TIAM1: variants seen among roughly 807,000 people sequenced by gnomAD.
TIAM1 encodes TIAM Rac1 associated GEF 1.
Under a neutral mutation model 163.5 loss-of-function variants are expected in TIAM1, and 65 were observed. The ratio of observed to expected loss-of-function variants is 0.40; its 90% CI spans 0.33 to 0.49. The LOEUF is 0.49. Ranked by LOEUF, TIAM1 falls within the 20% of genes least tolerant of loss-of-function variation. The pLI, the probability that TIAM1 is intolerant of heterozygous loss-of-function variation, is 0.77. For synonymous variants in TIAM1, 833 were observed against 810.1 expected (o/e 1.03, Z -0.48); for missense variants, 1,789 against 2,044.7 (o/e 0.87, Z 2.41).
chr21:31,346,615 G>A (rs2076152505), upstream of TIAM1, among the ~76,000 whole-genome samples: 1 of 152,210 alleles, frequency 6.6e-6, no homozygotes, highest in Non-Finnish European at 1.5e-5. Flanking sequence ...GACAGATACT[G>A]AGACAAAGCA....
At chr21:31,533,715 G>C (rs958723086) in intron 1 of TIAM1, among the ~76,000 whole-genome samples, 1 of 152,178 alleles carries the variant, frequency 6.6e-6, no homozygotes, top group African/African-American at 2.4e-5. Flanking sequence ...CTGGGTGACA[G>C]AGCAAGACCC....
intron 2 of TIAM1, among the ~76,000 whole-genome samples, chr21:31,433,434 G>A (rs1316705197): frequency 6.6e-6 from 1 of 152,196 alleles, no homozygotes; most frequent in African/African-American, 2.4e-5. Flanking sequence ...GCCATTTGCA[G>A]ATACAACCTC....
At chr21:31,289,627 A>G (rs2073938350) in intron 2 of TIAM1, among the ~76,000 whole-genome samples, 1 of 152,246 alleles carries the variant, frequency 6.6e-6, no homozygotes, top group Non-Finnish European at 1.5e-5. Flanking sequence ...GAGAATAAAA[A>G]GCATATGAAG....
intron 4 of TIAM1, among the ~76,000 whole-genome samples, chr21:31,253,712 A>G (rs1003016645): frequency 6.6e-6 from 1 of 152,164 alleles, no homozygotes; most frequent in Admixed American, 6.5e-5. Context: ...AGGGAAAGAA[A>G]GAAACCACGA....
intron 2 of TIAM1, among the ~76,000 whole-genome samples, chr21:31,362,545 C>A (rs1009101108): frequency 1.3e-5 from 2 of 151,814 alleles, no homozygotes; most frequent in Non-Finnish European, 2.9e-5. Flanking sequence ...TGGCTCACTG[C>A]AACATCTAGC....
At chr21:31,252,360 G>A (rs897137320) in intron 4 of TIAM1, among the ~76,000 whole-genome samples, 171 bp from the exon 5 acceptor site, 1 of 152,168 alleles carries the variant, frequency 6.6e-6, no homozygotes, top group Non-Finnish European at 1.5e-5. Flanking sequence ...CCCTGGACCC[G>A]CACAGACCCA....
intron 2 of TIAM1, among the ~76,000 whole-genome samples, chr21:31,385,640 A>G (rs2147183499): frequency 6.6e-6 from 1 of 151,876 alleles, no homozygotes; most frequent in Non-Finnish European, 1.5e-5. Flanking sequence ...CTACAAAATA[A>G]TAAGGGGGTA....
chr21:31,400,841 A>G (rs1569298990), intron 2 of TIAM1, among the ~76,000 whole-genome samples: 1 of 152,108 alleles, frequency 6.6e-6, no homozygotes, highest in African/African-American at 2.4e-5. Context: ...CTGTAATCCC[A>G]GCACTTTGGG....
At chr21:31,351,394 A>G (rs769813087) in intron 2 of TIAM1, among the ~76,000 whole-genome samples, 1 of 152,232 alleles carries the variant, frequency 6.6e-6, no homozygotes, top group East Asian at 1.9e-4. Context: ...TGAACATTCA[A>G]TGCAGTGTAT....
intron 4 of TIAM1, among the ~76,000 whole-genome samples, chr21:31,255,301 G>C (rs1362030282): frequency 6.6e-6 from 1 of 152,138 alleles, no homozygotes; most frequent in African/African-American, 2.4e-5. Flanking sequence ...ACTGATATGT[G>C]ACCCAGCCCA....
chr21:31,122,874 A>G (rs1568862692), intron 27 of TIAM1, among the ~76,000 whole-genome samples: 1 of 152,216 alleles, frequency 6.6e-6, no homozygotes, highest in African/African-American at 2.4e-5. Context: ...GACTATTTCC[A>G]GTGGTCACTG....
chr21:31,496,345 C>T (rs2046639952), intron 1 of TIAM1, among the ~76,000 whole-genome samples: 1 of 151,348 alleles, frequency 6.6e-6, no homozygotes, highest in Non-Finnish European at 1.5e-5. Context: ...CAAAAATTAG[C>T]TGAGTGTGAT....
chr21:31,273,113 G>A (rs1306607029), intron 3 of TIAM1, among the ~76,000 whole-genome samples: 1 of 152,182 alleles, frequency 6.6e-6, no homozygotes, highest in East Asian at 1.9e-4. Context: ...ATCAAAACCT[G>A]AGGATGCCAC....
intron 2 of TIAM1, among the ~76,000 whole-genome samples, chr21:31,315,526 G>A (rs1054173365): frequency 6.7e-6 from 1 of 149,880 alleles, no homozygotes; most frequent in Non-Finnish European, 1.5e-5. Flanking sequence ...AAAAAAAAAA[G>A]TAGCCGGGTG....
rs114427911 is a variant in TIAM1 at position 31,481,866 on chromosome 21, C to G, written c.-421-17831G>C. Among the ~76,000 whole-genome samples, 146 of 152,172 alleles carry G rather than the reference C, an allele frequency of 9.6e-4. 2 individuals are homozygous for G. The highest frequency in any genetic ancestry group is 3.3e-3 in the African/African-American group (139 of 41,516). ...TGGCCACTGATGATTAATTCAATCT[C>G]TCGCCCCTCTCTCCTCTCCCTAAGG... On this transcript the variant is annotated intron_variant, in intron 1 of 28. Coordinates refer to the TIAM1 transcript ENST00000286827.
intron 13 of TIAM1, among the ~76,000 whole-genome samples, chr21:31,188,929 T>TAAC: frequency 6.6e-6 from 1 of 151,938 alleles, no homozygotes; most frequent in Middle Eastern, 3.4e-3. Context: ...GGAAACACCT[T>TAAC]TGCTTAACTG....
Position 31,152,962 on chromosome 21 carries a change from A to G in TIAM1, c.3240+104T>C, listed in dbSNP as rs1039386475. The stretch of plus-strand genomic sequence containing the variant: ...AATTTCAGCTAGTTACAATTAAATA[A>G]ATTTAAAATGTTTTCAGTGTTACGC... On this transcript the variant is annotated intron_variant, in intron 18 of 27. Transcript: ENST00000541036. 5.2e-6 allele frequency: 7 copies of G among 1,343,854 alleles called. No homozygotes were observed. In the South Asian group the frequency reaches 9.6e-5, roughly 18 times the overall value. The allele number at this position is 1,343,854 out of a possible 1,614,324, so 83.2% of individuals were successfully genotyped here.
intron 1 of TIAM1, among the ~76,000 whole-genome samples, chr21:31,541,001 G>A (rs765747362): frequency 6.6e-6 from 1 of 152,134 alleles, no homozygotes; most frequent in Admixed American, 6.6e-5. Flanking sequence ...TACATCAACT[G>A]ATGAAGACCA....
chr21:31,195,195 A>G (rs1225764816), intron 13 of TIAM1, 29 bp downstream of exon 13: 1 of 1,563,110 alleles, frequency 6.4e-7, no homozygotes. Flanking sequence ...ACTTTACCTT[A>G]AAACACAAAC....
Sources: gnomAD v4.1 joint callset for allele counts (sites outside exome capture counted in the v4.1 genomes callset) on GRCh38, gnomAD v4.1.1 for gene constraint, MANE v1.5 for transcripts, NCBI Gene and HGNC (gene_info 2026-07-23, HGNC 2026-07-21) for gene names.